The following NFIA variants were observed in gnomAD, a reference collection of about 807,000 sequenced individuals.
The protein encoded by NFIA is nuclear factor I A, also known as nuclear factor 1 A-type.
Under a neutral mutation model 62.8 loss-of-function variants are expected in NFIA, and 8 were observed. The observed-to-expected ratio is 0.13, with a 90% CI of 0.07 to 0.23. The LOEUF is 0.23. Among genes scored for constraint, NFIA ranks in the 10% least tolerant of loss-of-function variants. The probability of loss-of-function intolerance (pLI) is 1.00; values close to 1 mark genes in which losing one functional copy is unlikely to be tolerated. For synonymous variants in NFIA, 235 were observed against 238.1 expected, an observed-to-expected ratio of 0.99 and a Z score of 0.12; for missense variants, 410 against 642.1, an observed-to-expected ratio of 0.64 and a Z score of 3.91.
Position 61,168,188 on chromosome 1 carries a change from A to G in NFIA, c.559+79508A>G, listed in dbSNP as rs1003915918. On this transcript the variant is annotated intron_variant, in intron 2 of 10. Coordinates refer to ENST00000403491, the MANE Select transcript of NFIA (RefSeq NM_001134673.4). The stretch of plus-strand genomic sequence containing the variant: ...ATAAGCTTGTGGAATTAACCCATAC[A>G]GATATAGAAAAGCAAAGCCCTAATC... Among the ~76,000 whole-genome samples, 3 of 152,322 alleles carry G rather than the reference A, an allele frequency of 2.0e-5. No individual in the cohort carries two copies. The East Asian group carries it at 5.8e-4, about 29-fold the overall frequency.
intron 3 of NFIA, among the ~76,000 whole-genome samples, chr1:61,298,682 A>C (rs1659327374): frequency 6.6e-6 from 1 of 152,196 alleles, no homozygotes; most frequent in South Asian, 2.1e-4. Flanking sequence ...ATTGGAGATA[A>C]TAATACTACC....
intron 6 of NFIA, among the ~76,000 whole-genome samples, chr1:61,366,109 C>T (rs1164845189): frequency 1.3e-5 from 2 of 152,022 alleles, no homozygotes; most frequent in Admixed American, 1.3e-4. Flanking sequence ...AGTCTTCTTC[C>T]TAAGTTGAAA....
chr1:61,394,805 G>A (rs1349322420), intron 7 of NFIA, among the ~76,000 whole-genome samples: 2 of 152,150 alleles, frequency 1.3e-5, no homozygotes. Flanking sequence ...AAGTTCAGGA[G>A]GATGCCTTGA....
chr1:61,213,838 C>T (rs1436044425), intron 2 of NFIA, among the ~76,000 whole-genome samples: 1 of 152,156 alleles, frequency 6.6e-6, no homozygotes, highest in Non-Finnish European at 1.5e-5. Flanking sequence ...AGATCATGCC[C>T]GCCACCACCC....
intron 2 of NFIA, among the ~76,000 whole-genome samples, chr1:61,170,710 G>A (rs765127892): frequency 1.2e-4 from 18 of 152,168 alleles, no homozygotes; most frequent in Non-Finnish European, 2.6e-4. Context: ...ATAGTAGGAA[G>A]CATTTCTTTA....
At chr1:61,404,819 C>A (rs1325878644) in intron 8 of NFIA, among the ~76,000 whole-genome samples, 3 of 152,170 alleles carry the variant, frequency 2.0e-5, no homozygotes, top group African/African-American at 7.2e-5. Flanking sequence ...CATTATCTTT[C>A]CCACTTATCT....
chr1:61,216,706 A>G (rs1489870962), intron 2 of NFIA, among the ~76,000 whole-genome samples: 1 of 152,200 alleles, frequency 6.6e-6, no homozygotes, highest in African/African-American at 2.4e-5. Flanking sequence ...TATGCTCTAA[A>G]AAGGGGATTG....
At chr1:61,105,291 G>T (rs1263283303) in intron 2 of NFIA, among the ~76,000 whole-genome samples, 1 of 151,842 alleles carries the variant, frequency 6.6e-6, no homozygotes, top group Non-Finnish European at 1.5e-5. Context: ...ACAAAAACTA[G>T]GTAGGTATTG....
At chr1:61,097,227 T>C (rs1646432146) in intron 2 of NFIA, among the ~76,000 whole-genome samples, 1 of 152,204 alleles carries the variant, frequency 6.6e-6, no homozygotes, top group Admixed American at 6.5e-5. Flanking sequence ...TTTATATCTC[T>C]GGTAAGTGCT....
chr1:61,340,901 C>T (rs1661864064), intron 4 of NFIA, among the ~76,000 whole-genome samples: 1 of 152,048 alleles, frequency 6.6e-6, no homozygotes, highest in Non-Finnish European at 1.5e-5. Context: ...TCTTTTTCCT[C>T]AAATTTTCAG....
At chr1:61,202,534 TAC>T (rs1438929021) in intron 2 of NFIA, among the ~76,000 whole-genome samples, 5 of 152,232 alleles carry the variant, frequency 3.3e-5, no homozygotes, top group African/African-American at 1.2e-4. Flanking sequence ...GGATGATACA[TAC>T]CAGGTCTATA....
intron 6 of NFIA, among the ~76,000 whole-genome samples, chr1:61,378,344 G>A (rs574873227): frequency 8.0e-4 from 122 of 152,164 alleles, no homozygotes; most frequent in African/African-American, 2.9e-3. Context: ...TATGTCCCTC[G>A]AAAATTACCA....
chr1:61,213,641 G>A (rs1041609159), intron 2 of NFIA, among the ~76,000 whole-genome samples: 3 of 152,186 alleles, frequency 2.0e-5, no homozygotes, highest in African/African-American at 7.2e-5. Flanking sequence ...ACTGTATGCA[G>A]AGTATTTATG....
chr1:61,310,946 A>G (rs776084661), intron 3 of NFIA, among the ~76,000 whole-genome samples: 2 of 152,112 alleles, frequency 1.3e-5, no homozygotes, highest in Non-Finnish European at 2.9e-5. Flanking sequence ...CAAGCTCCTG[A>G]TGGGCAGGTC....
rs1185883805 is a variant in NFIA at position 61,387,479 on chromosome 1, T to TTGTTTG, written c.1075+4115_1075+4116insGTTTGT. ...AGCTCAAGCACTTTCTTTTTTTTTT[T>TTGTTTG]TTTTTTTTTTTTGAGACGGAGTCTC... On this transcript the variant is annotated intron_variant, in intron 7 of 10. Transcript: ENST00000403491. 3.8e-4 allele frequency among the ~76,000 whole-genome samples: 32 copies of TTGTTTG among 84,944 alleles called. 1 individual carries two copies. The South Asian group carries it at 7.9e-3, about 21-fold the overall frequency. 55.7% of individuals were successfully genotyped at this position (84,944 alleles called of 152,430 possible).
intron 3 of NFIA, among the ~76,000 whole-genome samples, chr1:61,325,471 G>T (rs571425083): frequency 1.8e-4 from 27 of 152,304 alleles, no homozygotes; most frequent in South Asian, 2.1e-4. Context: ...TCATCAGTGG[G>T]TTTCCAAGCA....
At chr1:61,331,680 A>AT (rs1339499383) in intron 3 of NFIA, among the ~76,000 whole-genome samples, 1 of 152,120 alleles carries the variant, frequency 6.6e-6, no homozygotes, top group Non-Finnish European at 1.5e-5. Context: ...GAATCAGAAA[A>AT]TTTTAGAGGT....
chr1:61,126,692 A>G (rs933149343), intron 2 of NFIA, among the ~76,000 whole-genome samples: 6 of 151,294 alleles, frequency 4.0e-5, no homozygotes, highest in Admixed American at 1.3e-4. Context: ...CTTGTAGTCT[A>G]TGTATAAGTT....
chr1:61,212,144 TA>T (rs1441075860), intron 2 of NFIA, among the ~76,000 whole-genome samples: 1 of 152,136 alleles, frequency 6.6e-6, no homozygotes, highest in Non-Finnish European at 1.5e-5. Flanking sequence ...GGCCTGCTTT[TA>T]AAAGAGGGAT....
Sources: allele counts gnomAD v4.1 joint callset (sites outside exome capture counted in the v4.1 genomes callset), GRCh38; gene constraint gnomAD v4.1.1; transcripts MANE v1.5; gene names NCBI Gene and HGNC (gene_info 2026-07-23, HGNC 2026-07-21).